The following CERS6 variants were observed in gnomAD, a reference collection of about 807,000 sequenced individuals.
CERS6 encodes the protein ceramide synthase 6.
In CERS6, 26 loss-of-function variants were observed where a neutral mutation model predicts 56.8. That is an observed-to-expected ratio of 0.46 (90% confidence interval 0.34 to 0.63). The LOEUF is 0.63. CERS6 is among the 30% of genes least tolerant of loss of function. The pLI is 0.01. For missense variants in CERS6, 415 were observed against 467.5 expected, an observed-to-expected ratio of 0.89 and a Z score of 1.04; for synonymous variants, 164 against 173.3, an observed-to-expected ratio of 0.95 and a Z score of 0.42.
intron 8 of CERS6, among the ~76,000 whole-genome samples, chr2:168,736,864 C>T (rs533073714): frequency 6.6e-6 from 1 of 152,210 alleles, no homozygotes; most frequent in Non-Finnish European, 1.5e-5. Flanking sequence ...CATGCCTGCC[C>T]TTCCCCTTTA....
intron 8 of CERS6, among the ~76,000 whole-genome samples, chr2:168,760,794 C>T (rs1051689667): frequency 2.6e-5 from 4 of 151,318 alleles, no homozygotes; most frequent in East Asian, 1.9e-4. Context: ...CTTGCTCTGT[C>T]GCCCAGGCTG....
At position 168,559,469 on chromosome 2, in the gene CERS6, G is replaced by A. The variant is rs968506385; in HGVS notation, c.277-1723G>A. 2.6e-5 allele frequency among the ~76,000 whole-genome samples: 4 copies of A among 152,096 alleles called. No individual in the cohort carries two copies. In the East Asian group the frequency reaches 5.8e-4, roughly 22 times the overall value. The stretch of plus-strand genomic sequence containing the variant: ...AGGTCCTCTTCCTGGTTGGCACATG[G>A]CCATCTTCTCTTGTAACCTCACATG... On this transcript the variant is annotated intron_variant, in intron 2 of 9. Transcript: ENST00000305747.
At chr2:168,767,460 A>G (rs551880155) in intron 9 of CERS6, among the ~76,000 whole-genome samples, 3 of 152,368 alleles carry the variant, frequency 2.0e-5, no homozygotes, top group South Asian at 2.1e-4. Flanking sequence ...GAACTTTACT[A>G]TAATGCTGGC....
At chr2:168,649,934 TA>T (rs1054777004) in intron 4 of CERS6, among the ~76,000 whole-genome samples, 8 of 152,146 alleles carry the variant, frequency 5.3e-5, no homozygotes, top group Non-Finnish European at 1.2e-4. Context: ...CAATACTCTA[TA>T]AATAGTTGAA....
chr2:168,628,238 A>G (rs1340388511), intron 3 of CERS6, among the ~76,000 whole-genome samples: 1 of 152,018 alleles, frequency 6.6e-6, no homozygotes, highest in Non-Finnish European at 1.5e-5. Flanking sequence ...CTGAGCTGTT[A>G]TTTTCATTCC....
At position 168,760,706 on chromosome 2, in the gene CERS6, C is replaced by T. The variant is rs112887946; in HGVS notation, c.846-4886C>T. Among the ~76,000 whole-genome samples, 599 of 152,108 alleles carry T rather than the reference C, an allele frequency of 3.9e-3. 3 individuals carry two copies. The highest frequency in any genetic ancestry group is 0.014 in the African/African-American group (571 of 41,466). ...TTCCTCAATTGTAACATTCTTGGGC[C>T]AAACAAAGGCTCTTTCCTGGGTTTA... On this transcript the variant is annotated intron_variant, in intron 8 of 9. Coordinates refer to ENST00000305747, the MANE Select transcript of CERS6 (RefSeq NM_203463.3).
At chr2:168,472,647 C>A (rs1693998628) in intron 1 of CERS6, among the ~76,000 whole-genome samples, 1 of 152,178 alleles carries the variant, frequency 6.6e-6, no homozygotes, top group African/African-American at 2.4e-5. Flanking sequence ...AGGCCATAGT[C>A]AGAACATCCA....
At chr2:168,501,249 G>A (rs956192185) in intron 1 of CERS6, among the ~76,000 whole-genome samples, 1 of 152,134 alleles carries the variant, frequency 6.6e-6, no homozygotes, top group Non-Finnish European at 1.5e-5. Flanking sequence ...TGCCATTTTC[G>A]GATGAGATAT....
At chr2:168,502,054 G>A (rs1020054994) in intron 1 of CERS6, among the ~76,000 whole-genome samples, 26 of 151,766 alleles carry the variant, frequency 1.7e-4, no homozygotes, top group African/African-American at 5.8e-4. Flanking sequence ...GGCCTGGAGG[G>A]GGCTTTAGGG....
chr2:168,677,765 G>C (rs1422036165), intron 4 of CERS6, among the ~76,000 whole-genome samples: 2 of 152,120 alleles, frequency 1.3e-5, no homozygotes, highest in Non-Finnish European at 2.9e-5. Flanking sequence ...CCAAAGTGCT[G>C]AGATTACAGG....
intron 8 of CERS6, among the ~76,000 whole-genome samples, chr2:168,744,024 G>A (rs1401499457): frequency 1.3e-4 from 14 of 109,788 alleles, no homozygotes; most frequent in African/African-American, 4.6e-4. Context: ...TTGAGATGGA[G>A]TCTTGCTCTG....
At chr2:168,567,685 G>C (rs1695907482) in intron 3 of CERS6, among the ~76,000 whole-genome samples, 1 of 152,232 alleles carries the variant, frequency 6.6e-6, no homozygotes, top group South Asian at 2.1e-4. Flanking sequence ...TTCTTTCAGA[G>C]TTTCAAGGAA....
rs1695297917 is a variant in CERS6 at position 168,538,082 on chromosome 2, T to TG, written c.171-9513dup. The stretch of plus-strand genomic sequence containing the variant: ...TGCCACCACCTCTGGCCTGGATAAT[T>TG]GCAGCAGCCTCCCAGTTAGCCTTGC... On this transcript the variant is annotated intron_variant, in intron 1 of 9. Transcript: ENST00000305747. 2.0e-5 allele frequency among the ~76,000 whole-genome samples: 3 copies of TG among 152,152 alleles called. No individual in the cohort carries two copies. The South Asian group carries it at 6.2e-4, about 31-fold the overall frequency.
At chr2:168,730,089 T>C (rs1683477659) in intron 8 of CERS6, among the ~76,000 whole-genome samples, 1 of 152,200 alleles carries the variant, frequency 6.6e-6, no homozygotes, top group Non-Finnish European at 1.5e-5. Context: ...TTCCTTAAGA[T>C]ACGGAATCGG....
intron 6 of CERS6, among the ~76,000 whole-genome samples, chr2:168,698,346 CTG>C (rs1686719380): frequency 6.6e-6 from 1 of 150,530 alleles, no homozygotes; most frequent in Non-Finnish European, 1.5e-5. Flanking sequence ...GTTCCATAGG[CTG>C]TGCAGGAAGC....
At chr2:168,689,552 A>G (rs1371186480) in intron 4 of CERS6, among the ~76,000 whole-genome samples, 2 of 152,176 alleles carry the variant, frequency 1.3e-5, no homozygotes, top group Admixed American at 6.5e-5. Flanking sequence ...AAGCCTCCCA[A>G]GTAGTTTTAT....
intron 1 of CERS6, among the ~76,000 whole-genome samples, chr2:168,476,115 A>C (rs116008169): frequency 6.6e-6 from 1 of 152,192 alleles, no homozygotes; most frequent in Non-Finnish European, 1.5e-5. Context: ...AAGAGTTGCA[A>C]AAGAGGTTAG....
At chr2:168,542,908 G>A (rs965205728) in intron 1 of CERS6, among the ~76,000 whole-genome samples, 1 of 152,080 alleles carries the variant, frequency 6.6e-6, no homozygotes, top group Non-Finnish European at 1.5e-5. Context: ...TGTTGGCCAG[G>A]CTGGTCTTGA....
chr2:168,535,338 C>T (rs566483853), intron 1 of CERS6, among the ~76,000 whole-genome samples: 2 of 152,212 alleles, frequency 1.3e-5, no homozygotes, highest in South Asian at 2.1e-4. Context: ...CGGTGGAATG[C>T]GTTCACGAGT....
Sources: gnomAD v4.1 joint callset for allele counts (sites outside exome capture counted in the v4.1 genomes callset) on GRCh38, gnomAD v4.1.1 for gene constraint, MANE v1.5 for transcripts, NCBI Gene and HGNC (gene_info 2026-07-23, HGNC 2026-07-21) for gene names.